The following MTM1 variants were observed in gnomAD, a reference collection of about 807,000 sequenced individuals.
The protein encoded by MTM1 is myotubularin.
MTM1 carries 9 observed loss-of-function variants against 52.1 expected under a neutral mutation model. The observed-to-expected ratio is 0.17, with a 90% CI of 0.10 to 0.30. The LOEUF is 0.30. Among genes scored for constraint, MTM1 ranks in the 10% least tolerant of loss-of-function variants. The probability of loss-of-function intolerance (pLI) is 1.00; values close to 1 mark genes in which losing one functional copy is unlikely to be tolerated. For missense variants in MTM1, 277 were observed against 470.7 expected (o/e 0.59, Z 3.81); for synonymous variants, 136 against 163.8 (o/e 0.83, Z 1.29).
intron 10 of MTM1, among the ~76,000 whole-genome samples, chrX:150,652,445 T>G (rs1456538950): frequency 9.3e-6 from 1 of 107,441 alleles, no homozygotes; most frequent in African/African-American, 3.4e-5. Flanking sequence ...GGCAGGAAGA[T>G]TGTTTGAGCC....
chrX:150,667,593 A>G (rs2040324536), intron 14 of MTM1, among the ~76,000 whole-genome samples: 1 of 112,105 alleles, frequency 8.9e-6, no homozygotes, highest in Non-Finnish European at 1.9e-5. Flanking sequence ...AAATGGGCAA[A>G]GGATATTAGC....
chrX:150,659,802 T>G (rs374583185), intron 12 of MTM1, 46 bp downstream of exon 12: 48 of 1,009,194 alleles, frequency 4.8e-5, no homozygotes, highest in Non-Finnish European at 6.4e-5. Context: ...ATTGTTTAAA[T>G]TAAACATTTT....
rs956670589 is a variant in MTM1 at position 150,672,925 on chromosome X, G to T, written c.*1330G>T. The T allele has an allele frequency of 1.1e-4, 12 of 112,207 alleles. No homozygotes were observed. The highest frequency in any genetic ancestry group is 3.9e-4 in the African/African-American group (12 of 30,884). The allele number at this position is 112,207 out of a possible 1,213,427, so 9.2% of individuals were successfully genotyped here. A position where few individuals can be genotyped will look rare whatever the true frequency, so the allele number is the denominator to read the frequency against. ...TACCAAGTAAGACATCTCAAATACA[G>T]TAGTATAATGTATGAATTTTGTAAG... On this transcript the variant is annotated 3_prime_UTR_variant, in exon 15 of 15. Coordinates refer to ENST00000370396, the MANE Select transcript of MTM1 (RefSeq NM_000252.3).
chrX:150,631,769 A>C (rs2039675939), intron 6 of MTM1, among the ~76,000 whole-genome samples: 1 of 109,551 alleles, frequency 9.1e-6, no homozygotes, highest in African/African-American at 3.3e-5. Flanking sequence ...ATCTATTTGG[A>C]ATTTATTTGG....
At chrX:150,652,649 A>G (rs868954390) in intron 10 of MTM1, among the ~76,000 whole-genome samples, 28 of 42,314 alleles carry the variant, frequency 6.6e-4, no homozygotes, top group African/African-American at 1.8e-3. Flanking sequence ...GTGTGTGTGT[A>G]TATATATATA....
chrX:150,595,890 A>G (rs1406216993), intron 2 of MTM1, among the ~76,000 whole-genome samples: 2 of 112,701 alleles, frequency 1.8e-5, no homozygotes, highest in Non-Finnish European at 3.7e-5. Context: ...AATTTGTACA[A>G]ATGGCTCCTA....
At chrX:150,635,280 T>G (rs1388364750) in intron 6 of MTM1, among the ~76,000 whole-genome samples, 1 of 112,380 alleles carries the variant, frequency 8.9e-6, no homozygotes, top group Non-Finnish European at 1.9e-5. Flanking sequence ...AGCTTTATCA[T>G]TACCCATTTA....
In MTM1 at chrX:150,570,312, C is replaced by T. The variant is rs1375266702; in HGVS notation, c.-11+1650C>T. On this transcript the variant is annotated intron_variant, in intron 1 of 14. Coordinates refer to ENST00000370396, the MANE Select transcript of MTM1 (RefSeq NM_000252.3). ...ATAGAGCTCTGAAACCTTACAATGA[C>T]AGTGAAACAGGCTGGCATGATTGAG... Among the ~76,000 whole-genome samples the T allele has an allele frequency of 3.6e-5, 4 of 111,386 alleles. No homozygotes were observed. The East Asian group carries it at 1.1e-3, about 31-fold the overall frequency.
chrX:150,569,294 G>A (rs1211565750), intron 1 of MTM1, among the ~76,000 whole-genome samples: 2 of 113,628 alleles, frequency 1.8e-5, no homozygotes, highest in Non-Finnish European at 3.7e-5. Context: ...GCACGAGCAA[G>A]CGCCCGTGGC....
At chrX:150,649,417 C>CTT (rs1323559505) in intron 9 of MTM1, among the ~76,000 whole-genome samples, 1 of 112,420 alleles carries the variant, frequency 8.9e-6, no homozygotes, top group African/African-American at 3.2e-5. Flanking sequence ...TCACAACCTG[C>CTT]TTTTGCCTTT....
chrX:150,621,561 C>G (rs1557413299), intron 6 of MTM1, among the ~76,000 whole-genome samples: 1 of 110,393 alleles, frequency 9.1e-6, no homozygotes, highest in Non-Finnish European at 1.9e-5. Flanking sequence ...TACACTGCAG[C>G]TGCACAGGGC....
chrX:150,664,811 C>G (rs1248658218), intron 14 of MTM1, among the ~76,000 whole-genome samples: 1 of 112,246 alleles, frequency 8.9e-6, no homozygotes, highest in Non-Finnish European at 1.9e-5. Context: ...TAAGCCTTTT[C>G]CATATTTGTC....
intron 6 of MTM1, among the ~76,000 whole-genome samples, chrX:150,624,395 C>T (rs1471097508): frequency 9.0e-6 from 1 of 111,296 alleles, no homozygotes; most frequent in African/African-American, 3.3e-5. Context: ...GATAGTATGG[C>T]GATTTTTTTA....
At chrX:150,619,661 A>G (rs1429110652) in intron 6 of MTM1, among the ~76,000 whole-genome samples, 3 of 111,534 alleles carry the variant, frequency 2.7e-5, no homozygotes, top group African/African-American at 9.8e-5. Flanking sequence ...TGCATGACTG[A>G]AATAAGGCTT....
At chrX:150,566,292 C>A (rs782477259), upstream of MTM1, among the ~76,000 whole-genome samples, 60 of 111,213 alleles carry the variant, frequency 5.4e-4, no homozygotes, top group Middle Eastern at 4.7e-3. Flanking sequence ...CCCACCACCA[C>A]GCCTGGCTAA....
chrX:150,592,007 C>A lies in MTM1; in HGVS notation c.-10-598C>A, dbSNP rs782568884. 3.0e-4 allele frequency among the ~76,000 whole-genome samples: 34 copies of A among 112,441 alleles called. 1 individual carries two copies. Among genetic ancestry groups the A allele is most frequent in the Admixed American group, 2.0e-3 (21 of 10,608 alleles). On this transcript the variant is annotated intron_variant, in intron 1 of 14. Coordinates refer to ENST00000370396, the MANE Select transcript of MTM1 (RefSeq NM_000252.3). ...GTGTATGTTCTGAATAGAATGCTTT[C>A]ATTTATGCCTGAATTGTGATGAATA...
chrX:150,657,065 C>T (rs1484186912), intron 10 of MTM1, among the ~76,000 whole-genome samples: 3 of 110,557 alleles, frequency 2.7e-5, no homozygotes, highest in Non-Finnish European at 5.7e-5. Flanking sequence ...GACAGTGTGG[C>T]GATTCCTCAG....
At position 150,638,203 on chromosome X, in the gene MTM1, CT is replaced by C. The variant is rs781797538; in HGVS notation, c.445-737del. Among the ~76,000 whole-genome samples the C allele has an allele frequency of 3.3e-4, 37 of 111,288 alleles. No individual in the cohort carries two copies. In the South Asian group the frequency reaches 0.014, roughly 42 times the overall value. ...GGTAGGGGGAGCCAAGAGTGTTTGG[CT>C]TTGGTTGTGTTAACTTGAGAGTTCT... On this transcript the variant is annotated intron_variant, in intron 6 of 14. Transcript: ENST00000370396.
chrX:150,661,607 A>G (rs1211217272), intron 13 of MTM1, among the ~76,000 whole-genome samples: 1 of 112,049 alleles, frequency 8.9e-6, no homozygotes, highest in Admixed American at 9.5e-5. Context: ...CAGCCATAAA[A>G]AATGAAATCC....
Sources: allele counts gnomAD v4.1 joint callset (sites outside exome capture counted in the v4.1 genomes callset), GRCh38; gene constraint gnomAD v4.1.1; transcripts MANE v1.5; gene names NCBI Gene and HGNC (gene_info 2026-07-23, HGNC 2026-07-21).